Variants in SLC9A1 observed in about 807,000 individuals in gnomAD.
The protein encoded by SLC9A1 is sodium/hydrogen exchanger 1.
SLC9A1 carries 22 observed loss-of-function variants against 67.9 expected under a neutral mutation model. The observed-to-expected ratio is 0.32, with a 90% CI of 0.23 to 0.46. The LOEUF (loss-of-function observed/expected upper bound fraction) is 0.46, where lower values mean the gene tolerates loss of function less well. Ranked by LOEUF, SLC9A1 falls within the 20% of genes least tolerant of loss-of-function variation. SLC9A1 has a pLI of 1.00. For missense variants in SLC9A1, 686 were observed against 1,094.8 expected (o/e 0.63, Z 5.27); for synonymous variants, 421 against 471.8 (o/e 0.89, Z 1.40).
rs58035158 is a variant in SLC9A1 at position 27,142,440 on chromosome 1, T to C, written c.352+11543A>G. Among the ~76,000 whole-genome samples the C allele has an allele frequency of 8.1e-3, 1,233 of 152,338 alleles. 16 individuals are homozygous for C. Among genetic ancestry groups the C allele is most frequent in the African/African-American group, 0.027 (1,143 of 41,568 alleles). On this transcript the variant is annotated intron_variant, in intron 1 of 11. Coordinates refer to ENST00000263980, the MANE Select transcript of SLC9A1 (RefSeq NM_003047.5). ...TTAGAATATTCTATACTTTCATTCC[T>C]AGAAGCAGAGTGAGAACAGAGAACA...
chr1:27,124,679 C>A (rs531377183), intron 1 of SLC9A1, among the ~76,000 whole-genome samples: 1 of 152,188 alleles, frequency 6.6e-6, no homozygotes, highest in Admixed American at 6.5e-5. Context: ...CCCCTTCTAT[C>A]CCTAGTAGCT....
chr1:27,150,029 A>G (rs539915549), intron 1 of SLC9A1, among the ~76,000 whole-genome samples: 8 of 152,338 alleles, frequency 5.3e-5, no homozygotes, highest in African/African-American at 1.7e-4. Flanking sequence ...ATTTTCCCAA[A>G]GAGAAAAAGG....
rs566008445 is a variant in SLC9A1, at chr1:27,146,998, G to A, written c.352+6985C>T. Among the ~76,000 whole-genome samples, 89 of 151,792 alleles carry A rather than the reference G, an allele frequency of 5.9e-4. 1 individual carries two copies. Among genetic ancestry groups the A allele is most frequent in the Admixed American group, 2.4e-3 (37 of 15,242 alleles). On this transcript the variant is annotated intron_variant, in intron 1 of 11. Transcript: ENST00000263980. ...TAAAAATACAAAAATTAGGCCGGGC[G>A]CGGTGGCTCATGCCTGTAATATCAG...
At chr1:27,147,395 A>T (rs1033122591) in intron 1 of SLC9A1, among the ~76,000 whole-genome samples, 3 of 151,044 alleles carry the variant, frequency 2.0e-5, no homozygotes, top group African/African-American at 4.9e-5. Context: ...GGGAGGTTGA[A>T]GTAGGAGAAT....
intron 2 of SLC9A1, among the ~76,000 whole-genome samples, chr1:27,111,447 C>CA (rs1380347286): frequency 2.0e-5 from 3 of 151,958 alleles, no homozygotes; most frequent in Non-Finnish European, 4.4e-5. Flanking sequence ...TTCCTCATCG[C>CA]AAAAAAACTG....
intron 1 of SLC9A1, among the ~76,000 whole-genome samples, chr1:27,132,929 C>T (rs776739219): frequency 7.2e-5 from 11 of 152,206 alleles, no homozygotes; most frequent in Non-Finnish European, 1.3e-4. Context: ...TGCACTGTGA[C>T]GTGGTAGCTA....
At chr1:27,125,537 C>T (rs1279759103) in intron 1 of SLC9A1, among the ~76,000 whole-genome samples, 10 of 150,968 alleles carry the variant, frequency 6.6e-5, no homozygotes, top group Admixed American at 4.0e-4. Context: ...TGAGCCACTG[C>T]GCCCAGCCCA....
chr1:27,129,768 C>A (rs532339559), intron 1 of SLC9A1, among the ~76,000 whole-genome samples: 1 of 152,318 alleles, frequency 6.6e-6, no homozygotes, highest in South Asian at 2.1e-4. Context: ...CCAACCCCCC[C>A]ATTCCACTCC....
chr1:27,100,188 A>T lies in SLC9A1; in HGVS notation c.*119T>A. ...GGTGGGGGCTGTGGGCCCAGCTGCC[A>T]TGCGGTAGGGGGAGGGGCAGGGCCA... On this transcript the variant is annotated 3_prime_UTR_variant, in exon 12 of 12. Coordinates refer to ENST00000263980, the MANE Select transcript of SLC9A1 (RefSeq NM_003047.5). This position sits in a 1 kb window ranked among gnomAD's most constrained non-coding sequence, Gnocchi z 5.6. 1.4e-6 allele frequency: 1 copy of T among 689,938 alleles called. No homozygotes were observed. The highest frequency in any genetic ancestry group is 2.3e-5 in the South Asian group (1 of 42,990). 42.7% of individuals were successfully genotyped at this position (689,938 alleles called of 1,614,324 possible).
chr1:27,108,443 C>T (rs896465430), intron 3 of SLC9A1, among the ~76,000 whole-genome samples: 2 of 151,566 alleles, frequency 1.3e-5, no homozygotes, highest in African/African-American at 2.4e-5. Context: ...TTTGGGAGGC[C>T]GACAAAGGCG....
chr1:27,149,903 T>C (rs2083515422), intron 1 of SLC9A1, among the ~76,000 whole-genome samples: 1 of 152,190 alleles, frequency 6.6e-6, no homozygotes, highest in Non-Finnish European at 1.5e-5. Context: ...GTCTGGGCAA[T>C]CTGACCAACT....
At chr1:27,134,501 G>A (rs1463209050) in intron 1 of SLC9A1, among the ~76,000 whole-genome samples, 1 of 152,150 alleles carries the variant, frequency 6.6e-6, no homozygotes, top group Admixed American at 6.5e-5. Context: ...ATTTAAGCCT[G>A]AGAACATACC....
At position 27,138,381 on chromosome 1, in the gene SLC9A1, C is replaced by T. The variant is rs941769460; in HGVS notation, c.352+15602G>A. On this transcript the variant is annotated intron_variant, in intron 1 of 11. Coordinates refer to ENST00000263980, the MANE Select transcript of SLC9A1 (RefSeq NM_003047.5). ...CCCACCTCTCCCTCATGTCTGCCTT[C>T]TTCAGGACACTTACCACTACCTGAC... Among the ~76,000 whole-genome samples, 23 of 151,398 alleles carry T rather than the reference C, an allele frequency of 1.5e-4. 1 individual carries two copies. Among genetic ancestry groups the T allele is most frequent in the Admixed American group, 1.4e-3 (22 of 15,296 alleles).
intron 5 of SLC9A1, 199 bp downstream of exon 5, chr1:27,105,686 T>C (rs1171093289): frequency 2.8e-6 from 2 of 715,918 alleles, no homozygotes; most frequent in South Asian, 1.5e-5. Flanking sequence ...CACTCTGCAA[T>C]GACTCATCAC....
chr1:27,153,550 A>ACAC (rs1241563776), intron 1 of SLC9A1, among the ~76,000 whole-genome samples: 23 of 152,204 alleles, frequency 1.5e-4, no homozygotes, highest in Admixed American at 1.4e-3. Flanking sequence ...CCATCCTGGA[A>ACAC]CACGCTCCAG....
chr1:27,131,439 CAAAA>C (rs35954506), intron 1 of SLC9A1, among the ~76,000 whole-genome samples: 8 of 27,490 alleles, frequency 2.9e-4, no homozygotes, highest in Non-Finnish European at 4.8e-4. Context: ...ACTAAAAATA[CAAAA>C]AAAAAAAAAA....
rs1557738210 is a variant in SLC9A1 at position 27,105,997 on chromosome 1, C to T, written c.1373G>A (p.Arg458Gln). 5 of 1,613,632 alleles carry T rather than the reference C, an allele frequency of 3.1e-6. No individual in the cohort carries two copies. The highest frequency in any genetic ancestry group is 1.7e-5 in the Admixed American group (1 of 60,022). ...GCCCAGAGAGAAGGCGATGGCCCCT[C>T]GCAGGCCCCCATAGGCGATGATGAA... is the stretch of plus-strand genomic sequence containing the variant. Reference protein sequence around the residue: ...DQFIIAYGGLRGAIAFSLGYL... With the variant: ...DQFIIAYGGLQGAIAFSLGYL... Residue 458 changes from arginine to glutamine, a missense_variant, in exon 5 of 12, where the codon CGA becomes CAA. By Grantham distance (43) the Arg-to-Gln change is conservative. This residue lies in a region of SLC9A1 where 168 missense variants were observed against 375.4 expected (regional missense o/e 0.45). Coordinates refer to ENST00000263980, the MANE Select transcript of SLC9A1 (RefSeq NM_003047.5).
rs564472575 is a variant in SLC9A1 at position 27,099,870 on chromosome 1, C to G, written c.*437G>C. 6.2e-6 allele frequency: 1 copy of G among 162,224 alleles called. No individual in the cohort carries two copies. The highest frequency in any genetic ancestry group is 6.4e-5 in the Admixed American group (1 of 15,614). The allele number at this position is 162,224 out of a possible 1,614,324, so 10.0% of individuals were successfully genotyped here. A position where few individuals can be genotyped will look rare whatever the true frequency, so the allele number is the denominator to read the frequency against. On this transcript the variant is annotated 3_prime_UTR_variant, in exon 12 of 12. Coordinates refer to ENST00000263980, the MANE Select transcript of SLC9A1 (RefSeq NM_003047.5). Reference sequence around the variant, plus strand: ...CATGTGCCTGGTACCCCTGGTTTGTCCCCTGATAAAGCAGGGCCTACTCAA... The same window carrying G: ...CATGTGCCTGGTACCCCTGGTTTGTGCCCTGATAAAGCAGGGCCTACTCAA...
intron 1 of SLC9A1, among the ~76,000 whole-genome samples, chr1:27,127,152 C>A (rs1469188776): frequency 6.6e-6 from 1 of 152,088 alleles, no homozygotes; most frequent in East Asian, 1.9e-4. Context: ...AGGCGCGTGC[C>A]ACCATGCCTA....
Sources: allele counts gnomAD v4.1 joint callset (sites outside exome capture counted in the v4.1 genomes callset), GRCh38; gene constraint gnomAD v4.1.1; regional missense constraint gnomAD v4.1.1; non-coding constraint Gnocchi (gnomAD v3.1); transcripts MANE v1.5; gene names NCBI Gene and HGNC (gene_info 2026-07-23, HGNC 2026-07-21).